The following MSN variants were observed in gnomAD, a reference collection of about 807,000 sequenced individuals.
MSN encodes moesin.
In MSN, 2 loss-of-function variants were observed where a neutral mutation model predicts 48.0. The observed-to-expected ratio is 0.04, with a 90% CI of 0.02 to 0.13. The LOEUF (loss-of-function observed/expected upper bound fraction) is 0.13. Ranked by LOEUF, MSN falls within the 10% of genes least tolerant of loss-of-function variation. The pLI, the probability that MSN is intolerant of heterozygous loss-of-function variation, is 1.00. For missense variants in MSN, 267 were observed against 470.1 expected (o/e 0.57, Z 3.99); for synonymous variants, 146 against 166.9 (o/e 0.87, Z 0.97).
chrX:65,644,911 A>T (rs2070683872), intron 1 of MSN, among the ~76,000 whole-genome samples: 1 of 112,646 alleles, frequency 8.9e-6, no homozygotes, highest in Admixed American at 9.4e-5. Context: ...AACACCATGA[A>T]GGGATTTAAA....
intron 1 of MSN, among the ~76,000 whole-genome samples, chrX:65,699,872 A>G (rs1033816710): frequency 1.8e-5 from 2 of 111,470 alleles, no homozygotes; most frequent in African/African-American, 6.5e-5. Flanking sequence ...TGGGGAGATC[A>G]GGGTTCTAGT....
chrX:65,733,128 T>C, intron 6 of MSN, 56 bp from the exon 7 acceptor site: 1 of 974,964 alleles, frequency 1.0e-6, no homozygotes, highest in Non-Finnish European at 1.5e-6. Context: ...CCCCCAGTTC[T>C]CTACACCCTT....
intron 1 of MSN, among the ~76,000 whole-genome samples, chrX:65,656,453 G>A (rs1342719401): frequency 9.0e-6 from 1 of 111,156 alleles, no homozygotes; most frequent in Admixed American, 9.7e-5. Context: ...AAGTTGATAG[G>A]CCTGCAAGGC....
chrX:65,628,486 C>T (rs758527699), intron 1 of MSN, among the ~76,000 whole-genome samples: 1 of 111,621 alleles, frequency 9.0e-6, no homozygotes, highest in South Asian at 3.7e-4. Context: ...CACAGGGCAC[C>T]AAGTCCCTAG....
At chrX:65,651,510 T>G (rs201599242) in intron 1 of MSN, among the ~76,000 whole-genome samples, 60 of 107,573 alleles carry the variant, frequency 5.6e-4, no homozygotes, top group East Asian at 4.3e-3. Context: ...GTGCTCTTTT[T>G]GTGGGGGATG....
At chrX:65,605,984 C>G (rs1395814702) in intron 1 of MSN, among the ~76,000 whole-genome samples, 1 of 110,973 alleles carries the variant, frequency 9.0e-6, no homozygotes, top group African/African-American at 3.3e-5. Context: ...GCTGTGTCCC[C>G]CATGCTGGAG....
intron 1 of MSN, among the ~76,000 whole-genome samples, chrX:65,604,663 G>T (rs2070263802): frequency 8.9e-6 from 1 of 111,801 alleles, no homozygotes; most frequent in African/African-American, 3.3e-5. Flanking sequence ...TCAGTGAATG[G>T]CTCCACCATC....
intron 1 of MSN, among the ~76,000 whole-genome samples, chrX:65,624,165 G>A (rs771268435): frequency 9.1e-6 from 1 of 109,553 alleles, no homozygotes; most frequent in Non-Finnish European, 1.9e-5. Flanking sequence ...TGCAACCTCC[G>A]CCTCCCGGGC....
chrX:65,700,698 C>A (rs1453467650), intron 1 of MSN, among the ~76,000 whole-genome samples: 1 of 112,118 alleles, frequency 8.9e-6, no homozygotes, highest in Admixed American at 9.4e-5. Flanking sequence ...TGGTTCCTTT[C>A]TTTGAGACTC....
Position 65,727,840 on chromosome X carries a change from A to G in MSN, c.123A>G (p.Glu41=), listed in dbSNP as rs1035871413. Residue 41 remains glutamate, a synonymous_variant, in exon 3 of 13, where the codon GAA becomes GAG. Coordinates refer to ENST00000360270, the MANE Select transcript of MSN (RefSeq NM_002444.3). ...DQVVKTIGLR[E]VWFFGLQYQD... is the part of the protein sequence containing the mutation. ...TGGTGAAAACTATTGGCTTGAGGGA[A>G]GTTTGGTTCTTTGGTCTGCAGTACC... 3.3e-5 allele frequency: 40 copies of G among 1,209,236 alleles called. No individual in the cohort carries two copies. Among genetic ancestry groups the G allele is most frequent in the Non-Finnish European group, 4.1e-5 (37 of 894,611 alleles).
At chrX:65,663,568 T>G (rs1602764052), upstream of MSN, among the ~76,000 whole-genome samples, 1 of 111,841 alleles carries the variant, frequency 8.9e-6, no homozygotes, top group East Asian at 2.8e-4. Flanking sequence ...TCAAAGAACT[T>G]AAAACAGAGC....
rs188774730 is a variant in MSN at position 65,622,248 on chromosome X, C to G, written c.-22+33636C>G. On this transcript the variant is annotated intron_variant, in intron 1 of 3. Transcript: ENST00000609672. ...TAGCTGGGATTACAGGCACCTGCCA[C>G]CACACCTGGCTAATTTTTGTATTTT... Among the ~76,000 whole-genome samples the G allele has an allele frequency of 5.3e-3, 573 of 107,602 alleles. 4 individuals carry two copies. The highest frequency in any genetic ancestry group is 0.017 in the African/African-American group (506 of 29,623). The allele number at this position is 107,602 out of a possible 115,157, so 93.4% of individuals were successfully genotyped here.
At chrX:65,595,227 C>A (rs1319355492) in intron 1 of MSN, among the ~76,000 whole-genome samples, 3 of 112,329 alleles carry the variant, frequency 2.7e-5, no homozygotes, top group Non-Finnish European at 5.6e-5. Flanking sequence ...CTTGCCATAT[C>A]TTTGCCCCTC....
intron 1 of MSN, among the ~76,000 whole-genome samples, chrX:65,686,474 C>G (rs1200601525): frequency 8.9e-6 from 1 of 112,912 alleles, no homozygotes; most frequent in Non-Finnish European, 1.9e-5. Flanking sequence ...CCTGCACACT[C>G]TTAGTGATTG....
At chrX:65,608,704 G>C (rs2070296903) in intron 1 of MSN, among the ~76,000 whole-genome samples, 1 of 111,161 alleles carries the variant, frequency 9.0e-6, no homozygotes, top group Admixed American at 9.6e-5. Context: ...TGTCTGTGTG[G>C]AGTAAACAAG....
At chrX:65,612,465 A>G (rs752273414) in intron 1 of MSN, among the ~76,000 whole-genome samples, 9 of 111,059 alleles carry the variant, frequency 8.1e-5, no homozygotes, top group Non-Finnish European at 1.7e-4. Context: ...GCAATTCTCT[A>G]TATATTTTGG....
intron 1 of MSN, among the ~76,000 whole-genome samples, chrX:65,636,560 C>G (rs1174927911): frequency 9.3e-6 from 1 of 107,863 alleles, no homozygotes; most frequent in Non-Finnish European, 1.9e-5. Context: ...GCCAGGGCAA[C>G]ATGGTGAAAT....
intron 1 of MSN, among the ~76,000 whole-genome samples, chrX:65,702,494 C>T (rs1419653377): frequency 9.3e-6 from 1 of 107,616 alleles, no homozygotes; most frequent in African/African-American, 3.4e-5. Flanking sequence ...GGTGAAACCC[C>T]TTCTCTACTA....
chrX:65,600,282 CG>C (rs770634555), intron 1 of MSN, among the ~76,000 whole-genome samples: 2 of 111,106 alleles, frequency 1.8e-5, no homozygotes, highest in East Asian at 5.7e-4. Context: ...TCCCAATGTT[CG>C]TGAGCAACCT....
Sources: gnomAD v4.1 joint callset for allele counts (sites outside exome capture counted in the v4.1 genomes callset) on GRCh38, gnomAD v4.1.1 for gene constraint, MANE v1.5 for transcripts, NCBI Gene and HGNC (gene_info 2026-07-23, HGNC 2026-07-21) for gene names.